GSTA1: variants seen among roughly 807,000 people sequenced by gnomAD.
GSTA1 encodes the protein glutathione S-transferase A1.
A neutral mutation model predicts 21.5 loss-of-function variants in GSTA1; 23 were observed. That is an observed-to-expected ratio of 1.07 (90% CI 0.77 to 1.52). GSTA1 has a LOEUF of 1.52. GSTA1 is among the 40% of genes most tolerant of loss of function. GSTA1 has a pLI of 0.00. For synonymous variants in GSTA1, 125 were observed against 90.0 expected (o/e 1.39, Z -2.20); for missense variants, 301 against 264.2 (o/e 1.14, Z -0.96).
At chr6:52,792,623 C>T in intron 6 of GSTA1, 3 of 1,049,720 alleles carry the variant, frequency 2.9e-6, no homozygotes, top group Non-Finnish European at 3.9e-6. Context: ...TGGGTTCTTT[C>T]CATAATAAAG....
chr6:52,801,335 G>T (rs1446094974), intron 1 of GSTA1, among the ~76,000 whole-genome samples: 5 of 152,318 alleles, frequency 3.3e-5, no homozygotes, highest in South Asian at 2.1e-4. Context: ...GTTTTGTCAT[G>T]AGATATTTTG....
chr6:52,800,122 A>G (rs897237444), intron 1 of GSTA1, among the ~76,000 whole-genome samples: 4 of 152,206 alleles, frequency 2.6e-5, no homozygotes, highest in African/African-American at 9.7e-5. Context: ...ATTTTGCAAT[A>G]TGGAAGGAGC....
intron 1 of GSTA1, among the ~76,000 whole-genome samples, chr6:52,801,376 C>T (rs187829628): frequency 2.0e-5 from 3 of 152,186 alleles, no homozygotes; most frequent in East Asian, 1.9e-4. Flanking sequence ...ACTCCAGGAG[C>T]AATTTAAAGT....
chr6:52,796,989 G>C (rs1347712311), intron 3 of GSTA1, among the ~76,000 whole-genome samples: 2 of 152,022 alleles, frequency 1.3e-5, no homozygotes, highest in African/African-American at 2.4e-5. Flanking sequence ...TTATCTTCAT[G>C]GATATTTTAG....
chr6:52,801,140 C>G (rs1175189905), intron 1 of GSTA1, among the ~76,000 whole-genome samples: 3 of 152,262 alleles, frequency 2.0e-5, no homozygotes, highest in South Asian at 4.1e-4. Context: ...CTCAGCCTCC[C>G]GAAGTGCTGG....
chr6:52,797,539 C>A (rs756909216), intron 3 of GSTA1, 47 bp downstream of exon 3: 4 of 1,474,536 alleles, frequency 2.7e-6, no homozygotes, highest in East Asian at 4.5e-5. Context: ...TCCCCGTGTA[C>A]CTTCTACTAG....
In GSTA1 at chr6:52,796,214, G is replaced by A; in HGVS notation, c.240C>T (p.Asn80=). The A allele has an allele frequency of 3.1e-6, 5 of 1,613,746 alleles. No homozygotes were observed. The highest frequency in any genetic ancestry group is 2.5e-6 in the Non-Finnish European group (3 of 1,179,918). ...TCTCCTTTATGTCTTTCCCATAGAGGTTGTATTTGCTGGCAATGTAGTTGA... is the reference window on the plus strand; with the variant it reads ...TCTCCTTTATGTCTTTCCCATAGAGATTGTATTTGCTGGCAATGTAGTTGA... ...AILNYIASKY[N]LYGKDIKERA... The change falls in exon 4 of 7, where the codon AAC becomes AAT. Residue 80 remains asparagine, a synonymous_variant. Coordinates refer to ENST00000334575, the MANE Select transcript of GSTA1 (RefSeq NM_145740.5).
rs1763771792 is a variant in GSTA1 at position 52,803,784 on chromosome 6, C to A, written c.-31+1G>T. The A allele has an allele frequency of 5.4e-6, 1 of 184,350 alleles. No homozygotes were observed. Among genetic ancestry groups the A allele is most frequent in the Non-Finnish European group, 1.1e-5 (1 of 87,100 alleles). 11.4% of individuals were successfully genotyped at this position (184,350 alleles called of 1,614,324 possible). A position where few individuals can be genotyped will look rare whatever the true frequency, so the allele number is the denominator to read the frequency against. ...GAGAAATTTATAAGATCAGTACTTACTTTGTTAAACGCTGTCACCGTCCTG... is the reference window on the plus strand; with the variant it reads ...GAGAAATTTATAAGATCAGTACTTAATTTGTTAAACGCTGTCACCGTCCTG... On this transcript the variant is annotated splice_donor_variant, in intron 1 of 6. Transcript: ENST00000334575. LOFTEE classifies it low-confidence loss of function (5UTR_SPLICE).
At position 52,796,467 on chromosome 6, in the gene GSTA1, ATATATATATATATATATATATATGTG is replaced by A. The variant is rs1437803995; in HGVS notation, c.140-179_140-154del. Among the ~76,000 whole-genome samples, 12 of 7,690 alleles carry A rather than the reference ATATATATATATATATATATATATGTG, an allele frequency of 1.6e-3. 1 individual carries two copies. Among genetic ancestry groups the A allele is most frequent in the Middle Eastern group, 0.1 (2 of 20 alleles). 5.0% of individuals were successfully genotyped at this position (7,690 alleles called of 152,430 possible). A position where few individuals can be genotyped will look rare whatever the true frequency, so the allele number is the denominator to read the frequency against. On this transcript the variant is annotated intron_variant, in intron 3 of 6. Transcript: ENST00000334575. ...CTTGAAACAAAAACTATATATATAT[ATATATATATATATATATATATATGTG>A]TGTGTGTGTGTGTGTGTGTGTGTGT...
chr6:52,800,820 G>A (rs1262154964), intron 1 of GSTA1, among the ~76,000 whole-genome samples: 4 of 152,172 alleles, frequency 2.6e-5, no homozygotes, highest in Non-Finnish European at 5.9e-5. Flanking sequence ...TTCTTGCAAA[G>A]TTTTGTGGTT....
At chr6:52,798,855 T>C (rs1363498266) in intron 2 of GSTA1, among the ~76,000 whole-genome samples, 1 of 152,158 alleles carries the variant, frequency 6.6e-6, no homozygotes, top group Non-Finnish European at 1.5e-5. Flanking sequence ...ACAATAATTA[T>C]TTCATGTCTT....
intron 1 of GSTA1, among the ~76,000 whole-genome samples, chr6:52,799,701 T>C (rs915440191): frequency 4.6e-5 from 7 of 152,212 alleles, no homozygotes; most frequent in African/African-American, 1.7e-4. Flanking sequence ...GAAATGATTG[T>C]TATCTCAATT....
chr6:52,800,764 C>G (rs951603199), intron 1 of GSTA1, among the ~76,000 whole-genome samples: 1 of 152,160 alleles, frequency 6.6e-6, no homozygotes, highest in African/African-American at 2.4e-5. Context: ...GGAACAGTTG[C>G]GTTTTCTCTC....
At chr6:52,796,543 A>ATATATATATTTTTTTTTTTTT (rs1300549721) in intron 3 of GSTA1, among the ~76,000 whole-genome samples, 1 of 23,760 alleles carries the variant, frequency 4.2e-5, no homozygotes, top group Non-Finnish European at 1.1e-4. Context: ...ATATATATAT[A>ATATATATATTTTTTTTTTTTT]TTTTTTTTTT....
Position 52,799,278 on chromosome 6 carries a change from T to C in GSTA1, c.-11A>G, listed in dbSNP as rs1480753160. On this transcript the variant is annotated 5_prime_UTR_variant, in exon 2 of 7. Coordinates refer to ENST00000334575, the MANE Select transcript of GSTA1 (RefSeq NM_145740.5). Reference sequence around the variant, plus strand: ...GGGCTTCTCTGCCATGATAGCAGTCTCCTGGAGGTTTCTCTAAGCCTGAAT... The same window carrying C: ...GGGCTTCTCTGCCATGATAGCAGTCCCCTGGAGGTTTCTCTAAGCCTGAAT... The C allele has an allele frequency of 6.2e-7, 1 of 1,607,638 alleles. No homozygotes were observed. The highest frequency in any genetic ancestry group is 8.5e-7 in the Non-Finnish European group (1 of 1,176,316).
intron 6 of GSTA1, chr6:52,792,577 C>T: frequency 1.7e-6 from 1 of 572,844 alleles, no homozygotes; most frequent in East Asian, 5.2e-5. Context: ...ACAGAAACCA[C>T]ATTGAAATAG....
intron 3 of GSTA1, among the ~76,000 whole-genome samples, 173 bp from the exon 4 acceptor site, chr6:52,796,487 A>ATGTG (rs1561912789): frequency 0.021 from 106 of 5,080 alleles, no homozygotes; most frequent in African/African-American, 0.1. Flanking sequence ...ATATATATAT[A>ATGTG]TATGTGTGTG....
At chr6:52,801,524 T>C (rs1763717340) in intron 1 of GSTA1, among the ~76,000 whole-genome samples, 1 of 152,222 alleles carries the variant, frequency 6.6e-6, no homozygotes, top group Non-Finnish European at 1.5e-5. Flanking sequence ...AACTAAACTC[T>C]CTTAGCCATT....
intron 4 of GSTA1, among the ~76,000 whole-genome samples, chr6:52,795,429 A>G (rs1763553544): frequency 6.6e-6 from 1 of 152,096 alleles, no homozygotes; most frequent in Admixed American, 6.6e-5. Flanking sequence ...CGCATTATTT[A>G]TTTATGTAAA....
Sources: gnomAD v4.1 joint callset for allele counts (sites outside exome capture counted in the v4.1 genomes callset) on GRCh38, gnomAD v4.1.1 for gene constraint, MANE v1.5 for transcripts, NCBI Gene and HGNC (gene_info 2026-07-23, HGNC 2026-07-21) for gene names.